UBTF: variants seen among roughly 807,000 people sequenced by gnomAD.
UBTF encodes the protein upstream binding transcription factor, also known as nucleolar transcription factor 1.
A neutral mutation model predicts 112.3 loss-of-function variants in UBTF; 8 were observed. The observed-to-expected ratio is 0.07, with a 90% CI of 0.04 to 0.13. The LOEUF is 0.13. Among genes scored for constraint, UBTF ranks in the 10% least tolerant of loss-of-function variants. The probability of loss-of-function intolerance (pLI) is 1.00; values close to 1 mark genes in which losing one functional copy is unlikely to be tolerated. For missense variants in UBTF, 457 were observed against 982.1 expected, an observed-to-expected ratio of 0.47 and a Z score of 7.15; for synonymous variants, 417 against 373.1, an observed-to-expected ratio of 1.12 and a Z score of -1.36.
At chr17:44,215,071 G>A (rs1399354481) in intron 5 of UBTF, among the ~76,000 whole-genome samples, 1 of 150,970 alleles carries the variant, frequency 6.6e-6, no homozygotes, top group African/African-American at 2.5e-5. Flanking sequence ...GAGGCCAGGA[G>A]GGACAATGTG....
intron 17 of UBTF, 41 bp from the exon 18 acceptor site, chr17:44,207,952 C>T (rs1567788081): frequency 1.2e-6 from 2 of 1,613,314 alleles, no homozygotes; most frequent in Non-Finnish European, 1.7e-6. Flanking sequence ...ACATAGCCAA[C>T]TACTGCTGAC....
intron 15 of UBTF, 140 bp downstream of exon 15, chr17:44,209,984 G>A (rs2056547451): frequency 5.3e-6 from 5 of 941,138 alleles, no homozygotes; most frequent in South Asian, 1.5e-5. Flanking sequence ...CCTTACTGAT[G>A]AGAGACAGAG....
At chr17:44,213,131 G>A in intron 6 of UBTF, 87 bp downstream of exon 6, 2 of 1,553,462 alleles carry the variant, frequency 1.3e-6, no homozygotes. Context: ...ATGCCTCAGA[G>A]ATGGCAAACT....
chr17:44,207,455 T>C lies in UBTF; in HGVS notation c.2168A>G (p.Glu723Gly), dbSNP rs773857862. ...CCCACTGTGCCCTGTCTGCCCCACCTCATCCCCATCCTCGCTCTCGTCCTC... is the reference window on the plus strand; with the variant it reads ...CCCACTGTGCCCTGTCTGCCCCACCCCATCCCCATCCTCGCTCTCGTCCTC... ...SSEDESEDGD[E>G]NEEDDEDEDD... Residue 723 changes from glutamate (E) to glycine (G), a missense_variant and splice_region_variant, in exon 20 of 21, where the codon GAG becomes GGG. Glu to Gly is a moderately conservative substitution (Grantham distance 98). This residue lies in a region of UBTF where 139 missense variants were observed against 157.5 expected (regional missense o/e 0.88). Transcript: ENST00000436088. The C allele has an allele frequency of 6.2e-7, 1 of 1,613,550 alleles. No homozygotes were observed. The highest frequency in any genetic ancestry group is 8.5e-7 in the Non-Finnish European group (1 of 1,179,766).
Position 44,205,166 on chromosome 17 carries a change from G to A in UBTF, c.*2076C>T, listed in dbSNP as rs1035410107. ...GATACAAATTCAAGTTGTGGTGGTT[G>A]TTGAATCCTACAAAACACTCCTTAA... is the stretch of plus-strand genomic sequence containing the variant. On this transcript the variant is annotated 3_prime_UTR_variant, in exon 21 of 21. Transcript: ENST00000436088. 17 of 152,624 alleles carry A rather than the reference G, an allele frequency of 1.1e-4. No individual in the cohort carries two copies. The highest frequency in any genetic ancestry group is 2.2e-4 in the Non-Finnish European group (15 of 68,032). 9.5% of individuals were successfully genotyped at this position (152,624 alleles called of 1,614,324 possible). A position where few individuals can be genotyped will look rare whatever the true frequency, so the allele number is the denominator to read the frequency against.
intron 3 of UBTF, 101 bp downstream of exon 3, chr17:44,216,428 C>G (rs2046849752): frequency 7.3e-7 from 1 of 1,373,294 alleles, no homozygotes; most frequent in African/African-American, 1.4e-5. Flanking sequence ...CACATGAATG[C>G]CTCTCCTGGT....
intron 17 of UBTF, among the ~76,000 whole-genome samples, 154 bp from the exon 18 acceptor site, chr17:44,208,065 C>T (rs958009782): frequency 7.3e-5 from 11 of 151,214 alleles, no homozygotes; most frequent in African/African-American, 2.4e-4. Flanking sequence ...CTGCAGAGAG[C>T]CCCTGGGATC....
intron 15 of UBTF, 42 bp from the exon 16 acceptor site, chr17:44,209,775 C>G: frequency 1.3e-6 from 2 of 1,593,054 alleles, no homozygotes; most frequent in Non-Finnish European, 1.7e-6. Flanking sequence ...GTCCCACCCC[C>G]AAAATACTGC....
rs1379217607 is a variant in UBTF at position 44,211,902 on chromosome 17, C to T, written c.876G>A (p.Lys292=). Reference sequence around the variant, plus strand: ...GTGGCTTGGTGGGTCGCCCGTCAAACTTGTCCTTGAGCTGGCGTTCGGCCT... The same window carrying T: ...GTGGCTTGGTGGGTCGCCCGTCAAATTTGTCCTTGAGCTGGCGTTCGGCCT... The part of the protein sequence containing the change: ...LTKAERQLKD[K]FDGRPTKPPP... Residue 292 remains lysine (K), a synonymous_variant, in exon 9 of 21, where the codon AAG becomes AAA. Coordinates refer to ENST00000436088, the MANE Select transcript of UBTF (RefSeq NM_014233.4). This position sits in a 1 kb window ranked among gnomAD's most constrained non-coding sequence, Gnocchi z 4.9. 1 of 1,613,870 alleles carries T rather than the reference C, an allele frequency of 6.2e-7. No individual in the cohort carries two copies. The highest frequency in any genetic ancestry group is 2.2e-5 in the East Asian group (1 of 44,868).
At position 44,207,331 on chromosome 17, in the gene UBTF, C is replaced by G. The variant is rs2056308769; in HGVS notation, c.2206G>C (p.Asp736His). Residue 736 changes from aspartate (D) to histidine (H), a missense_variant, in exon 21 of 21, where the codon GAT becomes CAT. Transcript: ENST00000436088. ...EDDEDEDDDEDDDEDEDNESE... is the reference protein window; with the variant it reads ...EDDEDEDDDEHDDEDEDNESE... ...TCATTATCTTCATCCTCATCGTCAT[C>G]CTCGTCGTCGTCTTCGTCCTCGTCA... 1 of 1,612,382 alleles carries G rather than the reference C, an allele frequency of 6.2e-7. No individual in the cohort carries two copies. Among genetic ancestry groups the G allele is most frequent in the Non-Finnish European group, 8.5e-7 (1 of 1,179,386 alleles).
chr17:44,209,232 G>C, intron 17 of UBTF, 120 bp downstream of exon 17: 1 of 1,005,054 alleles, frequency 9.9e-7, no homozygotes, highest in Non-Finnish European at 1.4e-6. Flanking sequence ...GATTGCGAGG[G>C]CATGGAATGA....
At position 44,216,460 on chromosome 17, in the gene UBTF, C is replaced by A. The variant is rs1382036837; in HGVS notation, c.234+69G>T. On this transcript the variant is annotated intron_variant, in intron 3 of 20. Transcript: ENST00000436088. ...TGGTCTCTTTCCTTCCTGTTTACAG[C>A]CTGTTTCACTTCCCCCACCACGCTG... 2.6e-6 allele frequency: 4 copies of A among 1,565,872 alleles called. No homozygotes were observed. The South Asian group carries it at 3.4e-5, about 13-fold the overall frequency.
At chr17:44,220,918 T>TCCGCCCGCCCGCCCGC (rs547158111), upstream of UBTF, 1 of 138,560 alleles carries the variant, frequency 7.2e-6, no homozygotes, top group Admixed American at 7.0e-5. Flanking sequence ...CCCGCCCCGC[T>TCCGCCCGCCCGCCCGC]CCGCCCGCCC....
At position 44,207,918 on chromosome 17, in the gene UBTF, G is replaced by GA. The variant is rs763213293; in HGVS notation, c.1906-8dup. 17 of 1,613,660 alleles carry GA rather than the reference G, an allele frequency of 1.1e-5. No homozygotes were observed. In the East Asian group the frequency reaches 1.1e-4, roughly 11 times the overall value. On this transcript the variant is annotated splice_polypyrimidine_tract_variant and splice_region_variant and intron_variant, in intron 17 of 20. Coordinates refer to ENST00000436088, the MANE Select transcript of UBTF (RefSeq NM_014233.4). ...GGTCCTGGGGAGACAGGCTCTGGGG[G>GA]AGACAGAAGCGGCAAGGGTTGGAAC...
At position 44,219,670 on chromosome 17, in the gene UBTF, A is replaced by G. The variant is rs915551655; in HGVS notation, c.-293T>C. 2 of 152,746 alleles carry G rather than the reference A, an allele frequency of 1.3e-5. No individual in the cohort carries two copies. Among genetic ancestry groups the G allele is most frequent in the Non-Finnish European group, 2.9e-5 (2 of 69,088 alleles). The allele number at this position is 152,746 out of a possible 1,614,324, so 9.5% of individuals were successfully genotyped here. Reference sequence around the variant, plus strand: ...GCTGCCTGCTGCTCCTCGCGGCGAAAAGCACAAAGCACAGCGCCCTCCGCC... The same window carrying G: ...GCTGCCTGCTGCTCCTCGCGGCGAAGAGCACAAAGCACAGCGCCCTCCGCC... On this transcript the variant is annotated 5_prime_UTR_variant, in exon 1 of 21. Transcript: ENST00000436088.
At chr17:44,214,898 C>T (rs1274641355) in intron 5 of UBTF, among the ~76,000 whole-genome samples, 2 of 152,184 alleles carry the variant, frequency 1.3e-5, no homozygotes, top group Non-Finnish European at 2.9e-5. Context: ...CCATCTTCCT[C>T]GTGTCCCATC....
chr17:44,215,635 T>C lies in UBTF; in HGVS notation c.474+19A>G. 6.2e-7 allele frequency: 1 copy of C among 1,613,052 alleles called. No homozygotes were observed. The highest frequency in any genetic ancestry group is 8.5e-7 in the Non-Finnish European group (1 of 1,179,680). ...TCCCAGCCTCTCCCCTCCTCCCACC[T>C]TAACTCTCCTCCCCCCACCTTCTTC... is the stretch of plus-strand genomic sequence containing the variant. On this transcript the variant is annotated intron_variant, in intron 5 of 20. Transcript: ENST00000436088.
In UBTF at chr17:44,218,135, G is replaced by A. The variant is rs748142988; in HGVS notation, c.58+37C>T. ...GCCCCGCAGCCACGAGGGAAAGAGG[G>A]TTTAAGTTTCAGAGGGCCGGGGGTG... On this transcript the variant is annotated intron_variant, in intron 2 of 20. Transcript: ENST00000436088. The A allele has an allele frequency of 6.2e-6, 10 of 1,606,808 alleles. No individual in the cohort carries two copies. The African/African-American group carries it at 9.4e-5, about 15-fold the overall frequency.
chr17:44,210,030 C>G lies in UBTF; in HGVS notation c.1626+94G>C, dbSNP rs1033044627. 28 of 1,318,690 alleles carry G rather than the reference C, an allele frequency of 2.1e-5. No individual in the cohort carries two copies. The African/African-American group carries it at 4.0e-4, about 19-fold the overall frequency. 81.7% of individuals were successfully genotyped at this position (1,318,690 alleles called of 1,614,324 possible). On this transcript the variant is annotated intron_variant, in intron 15 of 20. Transcript: ENST00000436088. Reference sequence around the variant, plus strand: ...GGAAGCTGAGACTTGCTGAGAGTCACAGACCAAGGCTGGGACTTCTTGCTC... The same window carrying G: ...GGAAGCTGAGACTTGCTGAGAGTCAGAGACCAAGGCTGGGACTTCTTGCTC...
Sources: gnomAD v4.1 joint callset for allele counts (sites outside exome capture counted in the v4.1 genomes callset) on GRCh38, gnomAD v4.1.1 for gene constraint, gnomAD v4.1.1 regional missense constraint, Gnocchi (gnomAD v3.1) non-coding constraint, MANE v1.5 for transcripts, NCBI Gene and HGNC (gene_info 2026-07-23, HGNC 2026-07-21) for gene names.